B3GALT1: variants seen among roughly 807,000 people sequenced by gnomAD.
B3GALT1 encodes the protein UDP-Gal:betaGlcNAc beta 1,3-galactosyltransferase, polypeptide 1.
Under a neutral mutation model 23.2 loss-of-function variants are expected in B3GALT1, and 10 were observed. The observed-to-expected ratio is 0.43, with a 90% CI of 0.27 to 0.73. The LOEUF is 0.73. B3GALT1 is among the 30% of genes least tolerant of loss of function. The probability of loss-of-function intolerance (pLI) is 0.21; values close to 1 mark genes in which losing one functional copy is unlikely to be tolerated. For synonymous variants in B3GALT1, 156 were observed against 141.5 expected (o/e 1.10, Z -0.73); for missense variants, 299 against 405.4 (o/e 0.74, Z 2.25).
chr2:167,681,135 A>G (rs1402314605), intron 3 of B3GALT1, among the ~76,000 whole-genome samples: 1 of 152,188 alleles, frequency 6.6e-6, no homozygotes, highest in African/African-American at 2.4e-5. Context: ...AGAGGAGCTC[A>G]TGTCAACCGC....
At chr2:167,734,958 T>G (rs1687469195) in intron 3 of B3GALT1, among the ~76,000 whole-genome samples, 1 of 152,234 alleles carries the variant, frequency 6.6e-6, no homozygotes, top group South Asian at 2.1e-4. Context: ...ATGTTCAGTC[T>G]TTTATTTCTC....
intron 3 of B3GALT1, among the ~76,000 whole-genome samples, chr2:167,664,366 T>A (rs1169958084): frequency 6.6e-6 from 1 of 151,410 alleles, no homozygotes; most frequent in Admixed American, 6.6e-5. Context: ...TTACTGTAGC[T>A]TTGTAGTATA....
In B3GALT1 at chr2:167,426,398, G is replaced by A. The variant is rs148600249; in HGVS notation, c.-510-63779G>A. ...CAGGCAGTTCTCCTGGCTCTGCCTC[G>A]CGAGTAGCTGGGACTACAGGCGCCC... On this transcript the variant is annotated intron_variant, in intron 1 of 4. Transcript: ENST00000392690. Among the ~76,000 whole-genome samples, 732 of 151,162 alleles carry A rather than the reference G, an allele frequency of 4.8e-3. 9 individuals are homozygous for A. Among genetic ancestry groups the A allele is most frequent in the African/African-American group, 0.017 (696 of 41,156 alleles).
At chr2:167,859,716 G>T (rs1042149911) in intron 4 of B3GALT1, among the ~76,000 whole-genome samples, 5 of 152,184 alleles carry the variant, frequency 3.3e-5, no homozygotes, top group Admixed American at 2.0e-4. Flanking sequence ...CATTGCAAAT[G>T]AGTAAGTTGG....
chr2:167,596,559 G>C (rs569360608), intron 2 of B3GALT1, among the ~76,000 whole-genome samples: 1 of 152,214 alleles, frequency 6.6e-6, no homozygotes, highest in African/African-American at 2.4e-5. Context: ...GTATAGTATA[G>C]GCCACATAGT....
chr2:167,633,206 G>C (rs1339127185), intron 2 of B3GALT1, among the ~76,000 whole-genome samples: 1 of 151,900 alleles, frequency 6.6e-6, no homozygotes, highest in African/African-American at 2.4e-5. Flanking sequence ...GATAATCCTT[G>C]AGAAGAGCAA....
chr2:167,820,949 T>G (rs1168934739), intron 4 of B3GALT1, among the ~76,000 whole-genome samples: 1 of 152,194 alleles, frequency 6.6e-6, no homozygotes, highest in Non-Finnish European at 1.5e-5. Flanking sequence ...TTTGATTTGT[T>G]TACACAAATC....
At chr2:167,456,695 G>A (rs761567161) in intron 1 of B3GALT1, among the ~76,000 whole-genome samples, 2 of 152,014 alleles carry the variant, frequency 1.3e-5, no homozygotes, top group Non-Finnish European at 2.9e-5. Context: ...CTTTACTTAT[G>A]ATTACCAGTT....
At chr2:167,466,958 G>A (rs1000864122) in intron 1 of B3GALT1, among the ~76,000 whole-genome samples, 18 of 148,728 alleles carry the variant, frequency 1.2e-4, no homozygotes, top group Non-Finnish European at 2.2e-4. Context: ...AAACTCCTGA[G>A]CTCAGGCAAT....
intron 3 of B3GALT1, among the ~76,000 whole-genome samples, chr2:167,728,831 G>A (rs1210933955): frequency 6.6e-6 from 1 of 152,066 alleles, no homozygotes; most frequent in Non-Finnish European, 1.5e-5. Flanking sequence ...GGGGCTTGCA[G>A]TATATACCTT....
chr2:167,449,757 G>A (rs1282936641), intron 1 of B3GALT1, among the ~76,000 whole-genome samples: 1 of 152,066 alleles, frequency 6.6e-6, no homozygotes, highest in African/African-American at 2.4e-5. Flanking sequence ...ACTACATTGA[G>A]GTATGTCCCT....
intron 1 of B3GALT1, among the ~76,000 whole-genome samples, chr2:167,365,180 T>C (rs1287687142): frequency 6.6e-6 from 1 of 152,186 alleles, no homozygotes; most frequent in Admixed American, 6.5e-5. Flanking sequence ...GTCAAGGATA[T>C]GGAACTAGAG....
chr2:167,401,412 A>C (rs190119347), intron 1 of B3GALT1, among the ~76,000 whole-genome samples: 2 of 152,136 alleles, frequency 1.3e-5, no homozygotes, highest in Non-Finnish European at 2.9e-5. Flanking sequence ...AGAGTTCCAC[A>C]TTGGGTCCTT....
At chr2:167,565,457 C>T (rs539615628) in intron 2 of B3GALT1, among the ~76,000 whole-genome samples, 11 of 152,332 alleles carry the variant, frequency 7.2e-5, no homozygotes, top group Admixed American at 7.2e-4. Flanking sequence ...GCAAGAACTT[C>T]ATGTCTAAAA....
At chr2:167,526,980 G>A (rs1427332069) in intron 2 of B3GALT1, among the ~76,000 whole-genome samples, 4 of 151,718 alleles carry the variant, frequency 2.6e-5, no homozygotes, top group Middle Eastern at 3.2e-3. Flanking sequence ...AATATATACC[G>A]TATATACTGT....
intron 2 of B3GALT1, among the ~76,000 whole-genome samples, chr2:167,594,434 C>T (rs866676966): frequency 3.0e-4 from 45 of 152,270 alleles, no homozygotes; most frequent in African/African-American, 1.0e-3. Context: ...TAGAGGATTA[C>T]TAAATACACC....
At chr2:167,666,735 G>A (rs1332862619) in intron 3 of B3GALT1, among the ~76,000 whole-genome samples, 1 of 152,020 alleles carries the variant, frequency 6.6e-6, no homozygotes, top group African/African-American at 2.4e-5. Flanking sequence ...TATCTTTGTT[G>A]GTTTAAAGTC....
At chr2:167,519,772 A>T (rs746102748) in intron 2 of B3GALT1, among the ~76,000 whole-genome samples, 4 of 152,154 alleles carry the variant, frequency 2.6e-5, no homozygotes, top group African/African-American at 9.7e-5. Flanking sequence ...CCTTTTCTCT[A>T]TACAAGAAAA....
chr2:167,616,925 G>A (rs78931577), intron 2 of B3GALT1, among the ~76,000 whole-genome samples: 2,366 of 152,132 alleles, frequency 0.016, 76 homozygotes, highest in African/African-American at 0.055. Flanking sequence ...ATTGCTTAAA[G>A]CTTTGAAGCA....
Sources: allele counts gnomAD v4.1 joint callset (sites outside exome capture counted in the v4.1 genomes callset), GRCh38; gene constraint gnomAD v4.1.1; transcripts MANE v1.5; gene names NCBI Gene and HGNC (gene_info 2026-07-23, HGNC 2026-07-21).